The following MACROD2 variants were observed in gnomAD, a reference collection of about 807,000 sequenced individuals.
The protein encoded by MACROD2 is ADP-ribose glycohydrolase MACROD2.
MACROD2 carries 36 observed loss-of-function variants against 70.4 expected under a neutral mutation model. That is an observed-to-expected ratio of 0.51 (90% CI 0.39 to 0.68). MACROD2 has a LOEUF of 0.68. Among genes scored for constraint, MACROD2 ranks in the 30% least tolerant of loss-of-function variants. MACROD2 has a pLI of 0.00. For synonymous variants in MACROD2, 172 were observed against 178.8 expected (o/e 0.96, Z 0.30); for missense variants, 496 against 538.4 (o/e 0.92, Z 0.78).
intron 4 of MACROD2, among the ~76,000 whole-genome samples, chr20:14,574,330 T>C (rs1185721687): frequency 6.6e-6 from 1 of 152,210 alleles, no homozygotes; most frequent in Non-Finnish European, 1.5e-5. Context: ...TATTGAACCT[T>C]ACTCTCTCAG....
At chr20:14,407,940 A>G (rs563207776) in intron 3 of MACROD2, among the ~76,000 whole-genome samples, 1 of 152,152 alleles carries the variant, frequency 6.6e-6, no homozygotes, top group Non-Finnish European at 1.5e-5. Context: ...ATGCAGTATC[A>G]CTAAAAACTA....
intron 6 of MACROD2, among the ~76,000 whole-genome samples, chr20:15,298,156 T>C (rs1568702109): frequency 6.6e-6 from 1 of 152,198 alleles, no homozygotes; most frequent in Non-Finnish European, 1.5e-5. Context: ...AATGATATGA[T>C]CTTTGGCTCC....
At chr20:14,087,210 C>T (rs1327463254) in intron 3 of MACROD2, among the ~76,000 whole-genome samples, 1 of 151,984 alleles carries the variant, frequency 6.6e-6, no homozygotes, top group East Asian at 1.9e-4. Flanking sequence ...GCCTGGCCAA[C>T]ATGGTGAATC....
intron 6 of MACROD2, among the ~76,000 whole-genome samples, chr20:15,254,437 G>A (rs916735441): frequency 1.3e-5 from 2 of 152,096 alleles, no homozygotes; most frequent in African/African-American, 4.8e-5. Context: ...GGGGGAAAGA[G>A]CAGGACTGTA....
intron 6 of MACROD2, among the ~76,000 whole-genome samples, chr20:15,378,946 T>C (rs1317253393): frequency 1.3e-5 from 2 of 152,202 alleles, no homozygotes; most frequent in South Asian, 2.1e-4. Flanking sequence ...TAGCTGCCAC[T>C]GAGGCATGTG....
rs2078045422 is a variant in MACROD2, at chr20:15,336,135, T to TGAGCATC, written c.541-95268_541-95262dup. Among the ~76,000 whole-genome samples, 2 of 151,670 alleles carry TGAGCATC rather than the reference T, an allele frequency of 1.3e-5. 1 individual carries two copies. Among genetic ancestry groups the TGAGCATC allele is most frequent in the African/African-American group, 4.9e-5 (2 of 40,970 alleles). On this transcript the variant is annotated intron_variant, in intron 6 of 17. Coordinates refer to ENST00000684519, the MANE Select transcript of MACROD2 (RefSeq NM_001351661.2). ...TCTTTTGCATTTCTTGAGCACTGGT[T>TGAGCATC]GAGCATCGTGTTAGTAAAATTAAAT...
intron 5 of MACROD2, among the ~76,000 whole-genome samples, chr20:15,133,404 T>G (rs1568591912): frequency 6.6e-6 from 1 of 152,126 alleles, no homozygotes; most frequent in Non-Finnish European, 1.5e-5. Context: ...CACTGGGTAT[T>G]TAAACATAAA....
intron 5 of MACROD2, among the ~76,000 whole-genome samples, chr20:14,846,679 G>T (rs2073145192): frequency 6.6e-6 from 1 of 151,944 alleles, no homozygotes; most frequent in South Asian, 2.1e-4. Context: ...CACCACGCCT[G>T]GCTAATTTTT....
At chr20:14,834,244 C>T (rs866788508) in intron 5 of MACROD2, among the ~76,000 whole-genome samples, 5 of 145,092 alleles carry the variant, frequency 3.4e-5, no homozygotes, top group Admixed American at 6.8e-5. Flanking sequence ...TTACCCTTGC[C>T]GCTAGTATGG....
intron 5 of MACROD2, among the ~76,000 whole-genome samples, chr20:14,877,984 C>T (rs2073568774): frequency 6.6e-6 from 1 of 151,974 alleles, no homozygotes; most frequent in Non-Finnish European, 1.5e-5. Context: ...GATGCTGGCT[C>T]CATAGAAGGA....
chr20:14,846,433 C>G (rs1462370570), intron 5 of MACROD2, among the ~76,000 whole-genome samples: 1 of 150,334 alleles, frequency 6.7e-6, no homozygotes, highest in Admixed American at 6.7e-5. Context: ...CCATGTTGGT[C>G]AGGCTGGAAG....
intron 2 of MACROD2, among the ~76,000 whole-genome samples, chr20:14,007,229 C>T (rs906195943): frequency 9.2e-5 from 14 of 152,084 alleles, no homozygotes; most frequent in African/African-American, 2.9e-4. Flanking sequence ...TTATGCAGTA[C>T]GGTTTATAAA....
chr20:14,488,022 T>C (rs1320385975), intron 3 of MACROD2, among the ~76,000 whole-genome samples: 7 of 152,174 alleles, frequency 4.6e-5, no homozygotes, highest in Admixed American at 4.6e-4. Context: ...TTGAAACAAA[T>C]CAGCCAGCTC....
At chr20:15,223,043 AT>A (rs1467208100) in intron 5 of MACROD2, among the ~76,000 whole-genome samples, 1 of 152,160 alleles carries the variant, frequency 6.6e-6, no homozygotes, top group African/African-American at 2.4e-5. Flanking sequence ...CCCAGGATAA[AT>A]AGGAGTGGGG....
chr20:16,014,899 T>A (rs1461438990), intron 15 of MACROD2, among the ~76,000 whole-genome samples: 1 of 152,166 alleles, frequency 6.6e-6, no homozygotes, highest in Admixed American at 6.5e-5. Flanking sequence ...AAGTCCTATA[T>A]TCTCATCTTC....
At chr20:14,534,599 C>G (rs1737259160) in intron 4 of MACROD2, among the ~76,000 whole-genome samples, 1 of 152,214 alleles carries the variant, frequency 6.6e-6, no homozygotes, top group Non-Finnish European at 1.5e-5. Flanking sequence ...TTATGTTTAG[C>G]ATTTCAATGT....
At chr20:15,983,692 C>G (rs1196543445) in intron 13 of MACROD2, among the ~76,000 whole-genome samples, 1 of 152,204 alleles carries the variant, frequency 6.6e-6, no homozygotes, top group Non-Finnish European at 1.5e-5. Context: ...CAGCCTACGC[C>G]TGGTCGACTG....
chr20:14,558,380 C>G (rs929788694), intron 4 of MACROD2, among the ~76,000 whole-genome samples: 1 of 151,602 alleles, frequency 6.6e-6, no homozygotes, highest in Non-Finnish European at 1.5e-5. Context: ...TCTAAATAAA[C>G]TAATTAAAAG....
intron 8 of MACROD2, among the ~76,000 whole-genome samples, chr20:15,675,057 A>T (rs1206165342): frequency 3.3e-5 from 5 of 152,238 alleles, no homozygotes; most frequent in Non-Finnish European, 7.3e-5. Flanking sequence ...GATATAAAAC[A>T]TGCAGCAAAA....
Sources: gnomAD v4.1 joint callset for allele counts (sites outside exome capture counted in the v4.1 genomes callset) on GRCh38, gnomAD v4.1.1 for gene constraint, MANE v1.5 for transcripts, NCBI Gene and HGNC (gene_info 2026-07-23, HGNC 2026-07-21) for gene names.